Variants in NRXN3 observed in about 807,000 individuals in gnomAD.
NRXN3 encodes the protein neurexin III.
NRXN3 carries 32 observed loss-of-function variants against 137.6 expected under a neutral mutation model. The ratio of observed to expected loss-of-function variants is 0.23; its 90% CI spans 0.18 to 0.31. The LOEUF is 0.31. Ranked by LOEUF, NRXN3 falls within the 10% of genes least tolerant of loss-of-function variation. The pLI is 1.00. For synonymous variants in NRXN3, 798 were observed against 784.5 expected, an observed-to-expected ratio of 1.02 and a Z score of -0.29; for missense variants, 1,574 against 2,062.5, an observed-to-expected ratio of 0.76 and a Z score of 4.59.
chr14:79,040,523 G>A (rs2099623419), intron 15 of NRXN3, among the ~76,000 whole-genome samples: 1 of 152,144 alleles, frequency 6.6e-6, no homozygotes, highest in Non-Finnish European at 1.5e-5. Context: ...CATATATAAA[G>A]ATAGTGGGGA....
Position 79,546,246 on chromosome 14 carries a change from A to G in NRXN3, c.3444+78844A>G, listed in dbSNP as rs114561648. Among the ~76,000 whole-genome samples, 788 of 152,290 alleles carry G rather than the reference A, an allele frequency of 5.2e-3. 14 individuals carry two copies. The highest frequency in any genetic ancestry group is 0.018 in the African/African-American group (741 of 41,552). On this transcript the variant is annotated intron_variant, in intron 16 of 20. Transcript: ENST00000335750. ...GTAATAACTTTTTGCAAGTTATGCA[A>G]TTTTGGGCCATAGATTCCTTTATTC...
intron 4 of NRXN3, among the ~76,000 whole-genome samples, chr14:78,302,121 G>A (rs546433822): frequency 2.0e-5 from 3 of 152,218 alleles, no homozygotes; most frequent in Non-Finnish European, 4.4e-5. Flanking sequence ...TCTGATGCGT[G>A]TGGCACTGTT....
In NRXN3 at chr14:79,251,391, G is replaced by A. The variant is rs2075905873; in HGVS notation, c.3263-215830G>A. On this transcript the variant is annotated intron_variant, in intron 15 of 20. Transcript: ENST00000335750. Reference sequence around the variant, plus strand: ...TCTAGTTTAGATAGGGAGAGGGAAGGGCGTCTTTCAAGAAATGACTTCAGA... The same window carrying A: ...TCTAGTTTAGATAGGGAGAGGGAAGAGCGTCTTTCAAGAAATGACTTCAGA... 2.0e-5 allele frequency among the ~76,000 whole-genome samples: 3 copies of A among 152,006 alleles called. No homozygotes were observed. In the South Asian group the frequency reaches 6.2e-4, roughly 32 times the overall value.
intron 5 of NRXN3, chr14:78,649,277 A>T: frequency 2.2e-6 from 3 of 1,344,624 alleles, no homozygotes; most frequent in Non-Finnish European, 2.0e-6. Flanking sequence ...GCACTCAGGC[A>T]TCGGACACGC....
At chr14:78,975,524 G>A (rs1284508103) in intron 14 of NRXN3, among the ~76,000 whole-genome samples, 1 of 152,166 alleles carries the variant, frequency 6.6e-6, no homozygotes, top group Non-Finnish European at 1.5e-5. Flanking sequence ...CAAGGATGCT[G>A]TGAGGAGGAC....
intron 6 of NRXN3, among the ~76,000 whole-genome samples, chr14:78,675,693 T>C (rs533401429): frequency 6.6e-6 from 1 of 152,194 alleles, no homozygotes; most frequent in Non-Finnish European, 1.5e-5. Flanking sequence ...AGGAAACAAC[T>C]ATCCTGAAGT....
chr14:78,391,418 C>G (rs1447985841), intron 4 of NRXN3, among the ~76,000 whole-genome samples: 1 of 152,074 alleles, frequency 6.6e-6, no homozygotes, highest in Non-Finnish European at 1.5e-5. Flanking sequence ...TAAAGCGAGG[C>G]TTCAACAGAC....
chr14:79,555,132 G>A (rs748226489), intron 16 of NRXN3, among the ~76,000 whole-genome samples: 13 of 152,140 alleles, frequency 8.5e-5, no homozygotes, highest in East Asian at 1.9e-4. Context: ...GGAAGCCTTC[G>A]CCAAGAGGTG....
chr14:78,827,608 A>G (rs1370164477), intron 10 of NRXN3, among the ~76,000 whole-genome samples: 6 of 152,244 alleles, frequency 3.9e-5, no homozygotes, highest in Non-Finnish European at 8.8e-5. Flanking sequence ...CTAAGGGCTG[A>G]CAGGTCATGC....
chr14:78,734,206 AAC>A (rs10563958), intron 8 of NRXN3, among the ~76,000 whole-genome samples: 25,168 of 137,400 alleles, frequency 0.18, 2,165 homozygotes, highest in South Asian at 0.27. Flanking sequence ...CTGCATCTGA[AAC>A]ACACACACAC....
chr14:79,195,937 G>A (rs1363729242), intron 15 of NRXN3, among the ~76,000 whole-genome samples: 1 of 152,166 alleles, frequency 6.6e-6, no homozygotes, highest in Non-Finnish European at 1.5e-5. Context: ...TAGTACTAAT[G>A]TATTTTTACA....
At chr14:79,502,909 T>C (rs1174181626) in intron 16 of NRXN3, among the ~76,000 whole-genome samples, 1 of 152,084 alleles carries the variant, frequency 6.6e-6, no homozygotes, top group Non-Finnish European at 1.5e-5. Context: ...AAAGAATGAA[T>C]CAGATGGGAG....
At chr14:79,542,160 A>G (rs2097279353) in intron 16 of NRXN3, among the ~76,000 whole-genome samples, 1 of 152,176 alleles carries the variant, frequency 6.6e-6, no homozygotes, top group African/African-American at 2.4e-5. Flanking sequence ...ATGGTCTCAG[A>G]GTGACTTCTT....
chr14:79,506,443 T>G (rs998293425), intron 16 of NRXN3, among the ~76,000 whole-genome samples: 1 of 152,180 alleles, frequency 6.6e-6, no homozygotes, highest in African/African-American at 2.4e-5. Flanking sequence ...TTTGCTAAGT[T>G]TCACAGTTAT....
At chr14:79,791,995 T>C (rs376969588) in intron 19 of NRXN3, among the ~76,000 whole-genome samples, 18 of 152,320 alleles carry the variant, frequency 1.2e-4, no homozygotes, top group South Asian at 8.3e-4. Flanking sequence ...GCCATACTTA[T>C]GTCCGTGCTA....
At chr14:78,211,821 G>A (rs1858702317) in intron 1 of NRXN3, among the ~76,000 whole-genome samples, 1 of 152,194 alleles carries the variant, frequency 6.6e-6, no homozygotes, top group African/African-American at 2.4e-5. Flanking sequence ...GAAAAGGGGG[G>A]CTATGCTGTT....
intron 4 of NRXN3, among the ~76,000 whole-genome samples, chr14:78,329,497 A>C (rs564115054): frequency 6.6e-6 from 1 of 152,156 alleles, no homozygotes; most frequent in Non-Finnish European, 1.5e-5. Context: ...CTCCTATCTA[A>C]TTGCCCTCTC....
intron 16 of NRXN3, among the ~76,000 whole-genome samples, chr14:79,533,229 A>T (rs1225884671): frequency 6.6e-6 from 1 of 152,156 alleles, no homozygotes; most frequent in African/African-American, 2.4e-5. Context: ...CTTTCTCATG[A>T]TGCATGGCTA....
At chr14:78,964,617 T>TAAC (rs1610866) in intron 11 of NRXN3, among the ~76,000 whole-genome samples, 39,765 of 151,988 alleles carry the variant, frequency 0.26, 9,403 homozygotes, top group African/African-American at 0.62. Context: ...ATGTAGAAGG[T>TAAC]AACAAGAGAG....
Sources: allele counts gnomAD v4.1 joint callset (sites outside exome capture counted in the v4.1 genomes callset), GRCh38; gene constraint gnomAD v4.1.1; transcripts MANE v1.5; gene names NCBI Gene and HGNC (gene_info 2026-07-23, HGNC 2026-07-21).